SLC6A4: variants seen among roughly 807,000 people sequenced by gnomAD.
The protein encoded by SLC6A4 is solute carrier family 6 member 4.
Under a neutral mutation model 73.4 loss-of-function variants are expected in SLC6A4, and 22 were observed. That is an observed-to-expected ratio of 0.30 (90% CI 0.21 to 0.43). The LOEUF is 0.43. Ranked by LOEUF, SLC6A4 falls within the 20% of genes least tolerant of loss-of-function variation. The pLI is 1.00. For missense variants in SLC6A4, 593 were observed against 808.5 expected (o/e 0.73, Z 3.23); for synonymous variants, 270 against 315.5 (o/e 0.86, Z 1.53).
chr17:30,224,064 C>T (rs1906852846), intron 1 of SLC6A4, among the ~76,000 whole-genome samples: 1 of 152,192 alleles, frequency 6.6e-6, no homozygotes, highest in Non-Finnish European at 1.5e-5. Flanking sequence ...CTCTGTACTT[C>T]CCTCCGGCCT....
At position 30,235,095 on chromosome 17, in the gene SLC6A4, C is replaced by G. The variant is rs1907228491; in HGVS notation, c.-221+518G>C. Among the ~76,000 whole-genome samples, 1 of 152,116 alleles carries G rather than the reference C, an allele frequency of 6.6e-6. No individual in the cohort carries two copies. Among genetic ancestry groups the G allele is most frequent in the South Asian group, 2.1e-4 (1 of 4,832 alleles). ...CCTCAGCTCTGACAGTGAAACCACC[C>G]AAGCGCACGGAGACTCGGCCCACTT... is the stretch of plus-strand genomic sequence containing the variant. On this transcript the variant is annotated intron_variant, in intron 1 of 14. Transcript: ENST00000650711. This position sits in a 1 kb window ranked among gnomAD's most constrained non-coding sequence, Gnocchi z 4.5.
At chr17:30,233,131 T>C (rs1217958222) in intron 1 of SLC6A4, among the ~76,000 whole-genome samples, 1 of 152,202 alleles carries the variant, frequency 6.6e-6, no homozygotes, top group African/African-American at 2.4e-5. Flanking sequence ...GGAGTCTGCC[T>C]CACTTGTCCC....
rs1905932025 is a variant in SLC6A4 at position 30,198,457 on chromosome 17, T to TA, written c.1891dup (p.Ter631LeufsTer19). 6.3e-7 allele frequency: 1 copy of TA among 1,593,918 alleles called. No individual in the cohort carries two copies. Among genetic ancestry groups the TA allele is most frequent in the African/African-American group, 1.3e-5 (1 of 74,360 alleles). On this transcript the variant is annotated frameshift_variant and stop_lost, in exon 15 of 15. Coordinates refer to ENST00000650711, the MANE Select transcript of SLC6A4 (RefSeq NM_001045.6). LOFTEE classifies it high-confidence loss of function. ...GCCTTTTTCCTCTCGGTGAGTGTGTTACACAGCATTCAAGCGGATGTCCCC... is the reference window on the plus strand; with the variant it reads ...GCCTTTTTCCTCTCGGTGAGTGTGTTAACACAGCATTCAAGCGGATGTCCCC...
intron 8 of SLC6A4, 38 bp downstream of exon 8, chr17:30,215,573 C>A (rs773752078): frequency 1.3e-6 from 2 of 1,529,236 alleles, no homozygotes; most frequent in Admixed American, 3.3e-5. Flanking sequence ...TTCACTCACG[C>A]CACTTTCAAG....
chr17:30,221,716 G>A lies in SLC6A4; in HGVS notation c.243C>T (p.Thr81=). 6.2e-7 allele frequency: 1 copy of A among 1,614,166 alleles called. No homozygotes were observed. The highest frequency in any genetic ancestry group is 2.2e-5 in the East Asian group (1 of 44,890). The change falls in exon 3 of 15, where the codon ACC becomes ACT. Residue 81 remains threonine (T), a synonymous_variant. Coordinates refer to ENST00000650711, the MANE Select transcript of SLC6A4 (RefSeq NM_001045.6). ...VAELHQGERE[T]WGKKVDFLLS... The stretch of plus-strand genomic sequence containing the variant: ...GAAGGAAATCCACCTTCTTGCCCCA[G>A]GTCTCCCGTTCCCCTTGATGAAGCT...
At chr17:30,231,276 C>A (rs534301081) in intron 1 of SLC6A4, among the ~76,000 whole-genome samples, 4 of 150,216 alleles carry the variant, frequency 2.7e-5, no homozygotes, top group Non-Finnish European at 3.0e-5. Flanking sequence ...TTAGTTGAAC[C>A]TATATATATA....
chr17:30,221,575 A>C (rs961523066), intron 3 of SLC6A4, 41 bp downstream of exon 3: 1 of 1,565,602 alleles, frequency 6.4e-7, no homozygotes, highest in African/African-American at 1.4e-5. Flanking sequence ...GTCACAGCCC[A>C]CCCTGGGTCA....
intron 13 of SLC6A4, among the ~76,000 whole-genome samples, chr17:30,205,381 C>A (rs1906160379): frequency 6.6e-6 from 1 of 152,070 alleles, no homozygotes; most frequent in Non-Finnish European, 1.5e-5. Context: ...GGAATTAATC[C>A]AATGACTCTT....
At chr17:30,230,736 A>C (rs921773600) in intron 1 of SLC6A4, among the ~76,000 whole-genome samples, 1 of 152,014 alleles carries the variant, frequency 6.6e-6, no homozygotes, top group African/African-American at 2.4e-5. Context: ...GGAGAAGGAG[A>C]GGTGAGGTCA....
chr17:30,230,087 G>T (rs1022318591), intron 1 of SLC6A4, among the ~76,000 whole-genome samples: 3 of 129,720 alleles, frequency 2.3e-5, no homozygotes, highest in Non-Finnish European at 4.7e-5. Flanking sequence ...AGAAGAAGAA[G>T]AAGAAGAAGA....
chr17:30,216,415 G>T (rs937132037), intron 6 of SLC6A4, among the ~76,000 whole-genome samples, 199 bp from the exon 7 acceptor site: 3 of 152,118 alleles, frequency 2.0e-5, no homozygotes, highest in African/African-American at 7.2e-5. Flanking sequence ...AGTCACACAG[G>T]GATCGGATTC....
At chr17:30,227,463 TTGTGTGTGTGTTTG>T (rs1906963672) in intron 1 of SLC6A4, among the ~76,000 whole-genome samples, 1 of 151,820 alleles carries the variant, frequency 6.6e-6, no homozygotes, top group Non-Finnish European at 1.5e-5. Flanking sequence ...TTCTGTTCCT[TTGTGTGTGTGTTTG>T]TGTGTGTGTG....
chr17:30,224,891 G>C (rs1906883849), intron 1 of SLC6A4, among the ~76,000 whole-genome samples: 1 of 152,212 alleles, frequency 6.6e-6, no homozygotes, highest in African/African-American at 2.4e-5. Context: ...ATCCAGTCCT[G>C]AATTCCTGGC....
chr17:30,199,763 A>C (rs1905973583), intron 14 of SLC6A4, among the ~76,000 whole-genome samples: 1 of 152,228 alleles, frequency 6.6e-6, no homozygotes, highest in Non-Finnish European at 1.5e-5. Flanking sequence ...GTCATCAGCT[A>C]CCAGAGCATG....
chr17:30,200,116 T>C lies in SLC6A4; in HGVS notation c.1819-1586A>G, dbSNP rs921426790. ...CACCATAGCTCAGAGAGAGAAGAGA[T>C]CACCGAGGTGTTTGGTGGGGCAAGG... is the stretch of plus-strand genomic sequence containing the variant. On this transcript the variant is annotated intron_variant, in intron 14 of 14. Transcript: ENST00000650711. Among the ~76,000 whole-genome samples, 7 of 152,316 alleles carry C rather than the reference T, an allele frequency of 4.6e-5. No individual in the cohort carries two copies. The South Asian group carries it at 1.4e-3, about 32-fold the overall frequency.
chr17:30,212,867 T>G lies in SLC6A4; in HGVS notation c.1077A>C (p.Gln359His). ...SYNKFNNNCY[Q>H]DALVTSVVNC... ...TCACCACGCTGGTCACCAGGGCATC[T>G]CTGGAGGGGAAAACCCAAGGGGCCG... is the stretch of plus-strand genomic sequence containing the variant. The change falls in exon 9 of 15, where the codon CAA (glutamine) becomes CAC (histidine). Residue 359 changes from glutamine (Q) to histidine (H), a missense_variant and splice_region_variant. Transcript: ENST00000650711. 4 of 1,614,030 alleles carry G rather than the reference T, an allele frequency of 2.5e-6. No homozygotes were observed. Among genetic ancestry groups the G allele is most frequent in the Non-Finnish European group, 3.4e-6 (4 of 1,179,982 alleles).
chr17:30,220,914 AC>A (rs1159678550), intron 3 of SLC6A4, among the ~76,000 whole-genome samples: 1 of 151,198 alleles, frequency 6.6e-6, no homozygotes, highest in African/African-American at 2.4e-5. Context: ...ACCCAGCTTC[AC>A]AACCCGGAGA....
intron 3 of SLC6A4, among the ~76,000 whole-genome samples, chr17:30,219,677 A>G (rs1031618362): frequency 1.3e-5 from 2 of 152,188 alleles, no homozygotes; most frequent in African/African-American, 4.8e-5. Flanking sequence ...GCTGCTACCT[A>G]ACTGGAGATG....
Position 30,235,224 on chromosome 17 carries a change from A to G in SLC6A4, c.-221+389T>C, listed in dbSNP as rs1907232495. On this transcript the variant is annotated intron_variant, in intron 1 of 14. Coordinates refer to ENST00000650711, the MANE Select transcript of SLC6A4 (RefSeq NM_001045.6). The surrounding 1 kb of genome is among the most constrained non-coding windows in gnomAD (Gnocchi z 4.5). ...ACGCGATGACAGCAAAGTAAAGATC[A>G]AACATAAACCATGGGTTGAAACGAA... Among the ~76,000 whole-genome samples, 1 of 152,210 alleles carries G rather than the reference A, an allele frequency of 6.6e-6. No homozygotes were observed. The highest frequency in any genetic ancestry group is 1.5e-5 in the Non-Finnish European group (1 of 68,010).
Sources: allele counts gnomAD v4.1 joint callset (sites outside exome capture counted in the v4.1 genomes callset), GRCh38; gene constraint gnomAD v4.1.1; non-coding constraint Gnocchi (gnomAD v3.1); transcripts MANE v1.5; gene names NCBI Gene and HGNC (gene_info 2026-07-23, HGNC 2026-07-21).